The following HINFP variants were observed in gnomAD, a reference collection of about 807,000 sequenced individuals.
The protein encoded by HINFP is MBD2 (methyl-CpG-binding protein)-interacting zinc finger protein.
In HINFP, 20 loss-of-function variants were observed where a neutral mutation model predicts 50.1. That is an observed-to-expected ratio of 0.40 (90% CI 0.28 to 0.58). The LOEUF (loss-of-function observed/expected upper bound fraction) is 0.58. HINFP is among the 20% of genes least tolerant of loss of function. The pLI is 0.45. For synonymous variants in HINFP, 247 were observed against 243.7 expected (o/e 1.01, Z -0.13); for missense variants, 505 against 664.1 (o/e 0.76, Z 2.63).
chr11:119,127,102 A>T lies in HINFP; in HGVS notation c.158A>T (p.Glu53Val). 1 of 1,612,722 alleles carries T rather than the reference A, an allele frequency of 6.2e-7. No individual in the cohort carries two copies. The highest frequency in any genetic ancestry group is 8.5e-7 in the Non-Finnish European group (1 of 1,179,696). Residue 53 changes from glutamate to valine, a missense_variant, in exon 2 of 10, where the codon GAG becomes GTG. Transcript: ENST00000350777. Reference protein sequence around the residue: ...HLHGSGEEEEEEEEDDPLEEE... With the variant: ...HLHGSGEEEEVEEEDDPLEEE... Reference sequence around the variant, plus strand: ...CATGGCTCTGGGGAGGAGGAGGAAGAGGAAGAGGAGGATGACCCACTTGGT... The same window carrying T: ...CATGGCTCTGGGGAGGAGGAGGAAGTGGAAGAGGAGGATGACCCACTTGGT...
chr11:119,131,415 T>G lies in HINFP; in HGVS notation c.412-120T>G, dbSNP rs763656194. On this transcript the variant is annotated intron_variant, in intron 3 of 9. Transcript: ENST00000350777. The surrounding 1 kb of genome is among the most constrained non-coding windows in gnomAD (Gnocchi z 4.2). Reference sequence around the variant, plus strand: ...CTCCTCCATTTCTGTGCAGTGCCTTTCCTCAAAATTTCCCATCCCCATCAA... The same window carrying G: ...CTCCTCCATTTCTGTGCAGTGCCTTGCCTCAAAATTTCCCATCCCCATCAA... 2 of 748,580 alleles carry G rather than the reference T, an allele frequency of 2.7e-6. No homozygotes were observed. Among genetic ancestry groups the G allele is most frequent in the Non-Finnish European group, 4.8e-6 (2 of 416,816 alleles). 46.4% of individuals were successfully genotyped at this position (748,580 alleles called of 1,614,324 possible).
In HINFP at chr11:119,134,569, T is replaced by C; in HGVS notation, c.*71T>C. On this transcript the variant is annotated 3_prime_UTR_variant, in exon 10 of 10. Coordinates refer to ENST00000350777, the MANE Select transcript of HINFP (RefSeq NM_198971.3). The surrounding 1 kb of genome is among the most constrained non-coding windows in gnomAD (Gnocchi z 4.3). ...GCCAGGCAAGTGGCAGTGCCCCTAG[T>C]GGGCAGCCGTTGCCAATGGATGCCT... 2.4e-6 allele frequency: 3 copies of C among 1,263,480 alleles called. No homozygotes were observed. Among genetic ancestry groups the C allele is most frequent in the South Asian group, 1.5e-5 (1 of 67,190 alleles). 78.3% of individuals were successfully genotyped at this position (1,263,480 alleles called of 1,614,324 possible).
At chr11:119,132,640 C>CCT in intron 6 of HINFP, 21 bp from the exon 7 acceptor site, 1 of 1,614,024 alleles carries the variant, frequency 6.2e-7, no homozygotes. Context: ...CACATCACAG[C>CCT]CTCCTCTCTG....
intron 1 of HINFP, chr11:119,125,897 G>A (rs1947369829): frequency 6.6e-6 from 1 of 152,188 alleles, no homozygotes; most frequent in South Asian, 2.1e-4. Flanking sequence ...GATTCAATAA[G>A]AAATAAGGAG....
Position 119,122,766 on chromosome 11 carries a change from C to G in HINFP, c.-11+1127C>G, listed in dbSNP as rs148859449. Reference sequence around the variant, plus strand: ...CAAGAGATGGGATATGCCAGCTGTACCTGGATGAATTGGGAAGGGGGTCAT... The same window carrying G: ...CAAGAGATGGGATATGCCAGCTGTAGCTGGATGAATTGGGAAGGGGGTCAT... On this transcript the variant is annotated intron_variant, in intron 1 of 9. Coordinates refer to ENST00000350777, the MANE Select transcript of HINFP (RefSeq NM_198971.3). Among the ~76,000 whole-genome samples, 448 of 152,116 alleles carry G rather than the reference C, an allele frequency of 2.9e-3. 1 individual carries two copies. The highest frequency in any genetic ancestry group is 3.6e-3 in the Non-Finnish European group (245 of 67,996).
intron 1 of HINFP, chr11:119,126,071 A>G (rs652872): frequency 0.65 from 98,676 of 152,066 alleles, 33,457 homozygotes; most frequent in African/African-American, 0.83. Flanking sequence ...AGCACCTACC[A>G]GCTGGGCGTG....
intron 9 of HINFP, chr11:119,133,776 A>C: frequency 2.1e-6 from 1 of 487,474 alleles, no homozygotes; most frequent in Non-Finnish European, 3.7e-6. Context: ...GCTAGAGTCT[A>C]AGGGTTCTGA....
At position 119,124,111 on chromosome 11, in the gene HINFP, G is replaced by T. The variant is rs1320806187; in HGVS notation, c.-11+2472G>T. 4 of 152,076 alleles carry T rather than the reference G, an allele frequency of 2.6e-5. No individual in the cohort carries two copies. In the East Asian group the frequency reaches 7.7e-4, roughly 29 times the overall value. The allele number at this position is 152,076 out of a possible 1,614,324, so 9.4% of individuals were successfully genotyped here. Reference sequence around the variant, plus strand: ...CTAAGATCGTGAGCCACTGCACTCGGCCCAGCAGTCAATATTTGTAATAGG... The same window carrying T: ...CTAAGATCGTGAGCCACTGCACTCGTCCCAGCAGTCAATATTTGTAATAGG... On this transcript the variant is annotated intron_variant, in intron 1 of 9. Coordinates refer to ENST00000350777, the MANE Select transcript of HINFP (RefSeq NM_198971.3).
intron 9 of HINFP, chr11:119,133,852 C>T (rs1027381940): frequency 1.2e-5 from 7 of 600,074 alleles, no homozygotes; most frequent in African/African-American, 1.9e-5. Context: ...GTCAGTCAGT[C>T]TCTGTTTTTC....
At chr11:119,123,012 A>G (rs1947161846) in intron 1 of HINFP, among the ~76,000 whole-genome samples, 1 of 151,566 alleles carries the variant, frequency 6.6e-6, no homozygotes, top group East Asian at 1.9e-4. Context: ...AGTCCCAGCT[A>G]TAATACTTCG....
At position 119,132,730 on chromosome 11, in the gene HINFP, G is replaced by T. The variant is rs146974311; in HGVS notation, c.824G>T (p.Arg275Leu). The change falls in exon 7 of 10, where the codon CGC becomes CTC. Residue 275 changes from arginine to leucine, a missense_variant. Physicochemically the swap from Arg to Leu is moderately radical, Grantham distance 102. Coordinates refer to ENST00000350777, the MANE Select transcript of HINFP (RefSeq NM_198971.3). ...CCTTCCTCCCTCCGCAACCACATGC[G>T]CTTTCGTCACAGTGAGGACCGGCCC... ...PLPSSLRNHM[R>L]FRHSEDRPFK... 1 of 1,613,708 alleles carries T rather than the reference G, an allele frequency of 6.2e-7. No homozygotes were observed. Among genetic ancestry groups the T allele is most frequent in the African/African-American group, 1.3e-5 (1 of 74,892 alleles).
Position 119,127,111 on chromosome 11 carries a change from A to G in HINFP, c.167A>G (p.Glu56Gly). 2 of 1,611,528 alleles carry G rather than the reference A, an allele frequency of 1.2e-6. No individual in the cohort carries two copies. Among genetic ancestry groups the G allele is most frequent in the Middle Eastern group, 1.7e-4 (1 of 6,054 alleles). Residue 56 changes from glutamate to glycine, a missense_variant, in exon 2 of 10, where the codon GAG becomes GGG. Glu to Gly is a moderately conservative substitution (Grantham distance 98, BLOSUM62 -2). Coordinates refer to ENST00000350777, the MANE Select transcript of HINFP (RefSeq NM_198971.3). The stretch of plus-strand genomic sequence containing the variant: ...GGGGAGGAGGAGGAAGAGGAAGAGG[A>G]GGATGACCCACTTGGTAAGAGAGCA... Reference protein sequence around the residue: ...GSGEEEEEEEEDDPLEEEFSC... With the variant: ...GSGEEEEEEEGDDPLEEEFSC...
intron 2 of HINFP, chr11:119,129,817 C>T (rs1947653779): frequency 6.6e-6 from 1 of 152,146 alleles, no homozygotes; most frequent in Non-Finnish European, 1.5e-5. Context: ...TAGTGGGTCA[C>T]AACACAGTCT....
intron 2 of HINFP, chr11:119,130,470 G>A (rs1029840355): frequency 4.1e-6 from 2 of 482,782 alleles, no homozygotes; most frequent in Admixed American, 7.5e-5. Flanking sequence ...ATTATTTGAT[G>A]AATATGCTTT....
At chr11:119,128,001 G>A (rs540064996) in intron 2 of HINFP, among the ~76,000 whole-genome samples, 73 of 151,972 alleles carry the variant, frequency 4.8e-4, no homozygotes, top group South Asian at 1.9e-3. Flanking sequence ...CTACAGGCGC[G>A]CGCCACCACG....
Position 119,131,433 on chromosome 11 carries a change from C to A in HINFP, c.412-102C>A. On this transcript the variant is annotated intron_variant, in intron 3 of 9. Coordinates refer to ENST00000350777, the MANE Select transcript of HINFP (RefSeq NM_198971.3). This position sits in a 1 kb window ranked among gnomAD's most constrained non-coding sequence, Gnocchi z 4.2. The stretch of plus-strand genomic sequence containing the variant: ...GTGCCTTTCCTCAAAATTTCCCATC[C>A]CCATCAAGTTAATTTGGGAGAGAGC... The A allele has an allele frequency of 1.2e-6, 1 of 833,058 alleles. No individual in the cohort carries two copies. Among genetic ancestry groups the A allele is most frequent in the Non-Finnish European group, 2.1e-6 (1 of 479,192 alleles). The allele number at this position is 833,058 out of a possible 1,614,324, so 51.6% of individuals were successfully genotyped here. A position where few individuals can be genotyped will look rare whatever the true frequency, so the allele number is the denominator to read the frequency against.
chr11:119,133,066 G>T (rs775565545), intron 8 of HINFP, 29 bp from the exon 9 acceptor site: 3 of 1,614,090 alleles, frequency 1.9e-6, no homozygotes, highest in Non-Finnish European at 2.5e-6. Context: ...TGAAGAGCTG[G>T]TCTCATTTCT....
intron 2 of HINFP, 102 bp from the exon 3 acceptor site, chr11:119,130,623 C>G (rs1248826695): frequency 4.0e-6 from 4 of 1,001,724 alleles, no homozygotes; most frequent in Non-Finnish European, 6.1e-6. Context: ...GTCCAGCCTC[C>G]TCACGAGTCC....
chr11:119,125,201 G>T (rs1406270227), intron 1 of HINFP: 1 of 151,652 alleles, frequency 6.6e-6, no homozygotes, highest in East Asian at 2.0e-4. Flanking sequence ...ACCACGCCTG[G>T]CTAATTTTTG....
Sources: allele counts gnomAD v4.1 joint callset (sites outside exome capture counted in the v4.1 genomes callset), GRCh38; gene constraint gnomAD v4.1.1; non-coding constraint Gnocchi (gnomAD v3.1); transcripts MANE v1.5; gene names NCBI Gene and HGNC (gene_info 2026-07-23, HGNC 2026-07-21).